The following SLC8A3 variants were observed in gnomAD, a reference collection of about 807,000 sequenced individuals.
SLC8A3 encodes the protein solute carrier family 8 member A3.
Under a neutral mutation model 65.4 loss-of-function variants are expected in SLC8A3, and 37 were observed. The ratio of observed to expected loss-of-function variants is 0.57; its 90% CI spans 0.44 to 0.74. The LOEUF is 0.74. Among genes scored for constraint, SLC8A3 ranks in the 30% least tolerant of loss-of-function variants. The probability of loss-of-function intolerance (pLI) is 0.00; values close to 1 mark genes in which losing one functional copy is unlikely to be tolerated. For missense variants in SLC8A3, 1,112 were observed against 1,172.1 expected, an observed-to-expected ratio of 0.95 and a Z score of 0.75; for synonymous variants, 461 against 444.5, an observed-to-expected ratio of 1.04 and a Z score of -0.47.
chr14:70,118,260 C>G (rs2140171660), intron 2 of SLC8A3, among the ~76,000 whole-genome samples: 1 of 152,312 alleles, frequency 6.6e-6, no homozygotes, highest in East Asian at 1.9e-4. Context: ...AACAAGCTGC[C>G]TGACGCTCTC....
intron 2 of SLC8A3, among the ~76,000 whole-genome samples, chr14:70,116,010 C>G (rs1004449268): frequency 6.6e-6 from 1 of 152,142 alleles, no homozygotes; most frequent in Non-Finnish European, 1.5e-5. Context: ...CTTCCAATGC[C>G]AGGCCCAAGT....
chr14:70,132,753 G>A (rs1894927687), intron 2 of SLC8A3, among the ~76,000 whole-genome samples: 1 of 152,192 alleles, frequency 6.6e-6, no homozygotes, highest in South Asian at 2.1e-4. Flanking sequence ...GATGCTATGA[G>A]CAAATGTGTG....
intron 2 of SLC8A3, among the ~76,000 whole-genome samples, chr14:70,122,899 C>T (rs1894175144): frequency 6.6e-6 from 1 of 151,488 alleles, no homozygotes; most frequent in Non-Finnish European, 1.5e-5. Flanking sequence ...TAATGAAACC[C>T]TGTCTCTACT....
intron 2 of SLC8A3, among the ~76,000 whole-genome samples, chr14:70,069,666 C>T (rs1206878870): frequency 6.6e-6 from 1 of 152,164 alleles, no homozygotes; most frequent in South Asian, 2.1e-4. Context: ...GAACCCCCCA[C>T]CGCCACCTGT....
Position 70,170,379 on chromosome 14 carries a change from A to G in SLC8A3, c.-62-1895T>C, listed in dbSNP as rs551707019. Among the ~76,000 whole-genome samples, 5 of 152,288 alleles carry G rather than the reference A, an allele frequency of 3.3e-5. No individual in the cohort carries two copies. The East Asian group carries it at 9.7e-4, about 29-fold the overall frequency. On this transcript the variant is annotated intron_variant, in intron 1 of 6. Coordinates refer to ENST00000356921, the MANE Select transcript of SLC8A3 (RefSeq NM_182932.3). ...ATTATTCTCATTCATCTTTGAAATG[A>G]GGGTTTCTTCTTTGCACTCCCCACT...
At position 70,051,072 on chromosome 14, in the gene SLC8A3, C is replaced by T. The variant is rs962258258; in HGVS notation, c.2049G>A (p.Leu683=). The T allele has an allele frequency of 1.2e-6, 2 of 1,613,634 alleles. No individual in the cohort carries two copies. The highest frequency in any genetic ancestry group is 2.7e-5 in the African/African-American group (2 of 74,910). ...AGGAATGGGTCCCCACAACCAAGGC[C>T]AGGTTTGTCTTCTTGATCAGTTTGT... The part of the protein sequence containing the change: ...TVDKLIKKTN[L]ALVVGTHSWR... Residue 683 remains leucine, a synonymous_variant, in exon 5 of 7, where the codon CTG becomes CTA. Coordinates refer to ENST00000356921, the MANE Select transcript of SLC8A3 (RefSeq NM_182932.3).
intron 2 of SLC8A3, among the ~76,000 whole-genome samples, chr14:70,074,416 C>T (rs915431858): frequency 2.6e-5 from 4 of 152,206 alleles, no homozygotes; most frequent in African/African-American, 7.2e-5. Flanking sequence ...TGTCCCAGCT[C>T]GGCTGCAGGA....
At chr14:70,152,351 CA>C (rs1447862775) in intron 2 of SLC8A3, among the ~76,000 whole-genome samples, 3 of 152,124 alleles carry the variant, frequency 2.0e-5, no homozygotes, top group Non-Finnish European at 4.4e-5. Context: ...AAATCTTAAC[CA>C]GAGAAATTGG....
intron 2 of SLC8A3, among the ~76,000 whole-genome samples, chr14:70,097,286 T>TAAA (rs5809459): frequency 6.7e-4 from 98 of 145,812 alleles, no homozygotes; most frequent in Admixed American, 1.3e-3. Flanking sequence ...CATTTTCCTT[T>TAAA]AAAAAAAAAA....
chr14:70,107,828 T>A lies in SLC8A3; in HGVS notation c.1785-46889A>T, dbSNP rs1892980228. Among the ~76,000 whole-genome samples, 2 of 152,108 alleles carry A rather than the reference T, an allele frequency of 1.3e-5. 1 individual carries two copies. The highest frequency in any genetic ancestry group is 4.8e-5 in the African/African-American group (2 of 41,370). On this transcript the variant is annotated intron_variant, in intron 2 of 6. Transcript: ENST00000356921. Reference sequence around the variant, plus strand: ...AGAGAGAGTGAAGCACCACAGCAGATAAATATTGCTGCCCAGATAATTTCC... The same window carrying A: ...AGAGAGAGTGAAGCACCACAGCAGAAAAATATTGCTGCCCAGATAATTTCC...
At chr14:70,064,359 A>T (rs892818127) in intron 2 of SLC8A3, among the ~76,000 whole-genome samples, 9 of 152,240 alleles carry the variant, frequency 5.9e-5, no homozygotes, top group Non-Finnish European at 1.2e-4. Flanking sequence ...CTTCCTTATC[A>T]GTCTTGCTTT....
chr14:70,150,326 A>G (rs1566813289), intron 2 of SLC8A3, among the ~76,000 whole-genome samples: 1 of 152,230 alleles, frequency 6.6e-6, no homozygotes. Context: ...CAGGTCACCA[A>G]CAAGTAGCTG....
chr14:70,111,782 A>C (rs1247805623), intron 2 of SLC8A3, among the ~76,000 whole-genome samples: 1 of 152,250 alleles, frequency 6.6e-6, no homozygotes, highest in Non-Finnish European at 1.5e-5. Flanking sequence ...ATTCAAACAT[A>C]TGATAAGGTG....
At chr14:70,175,436 T>C (rs1467131995) in intron 1 of SLC8A3, among the ~76,000 whole-genome samples, 3 of 152,196 alleles carry the variant, frequency 2.0e-5, no homozygotes, top group Non-Finnish European at 4.4e-5. Context: ...TGCTAAAGTC[T>C]GCTTTTAAGC....
At chr14:70,106,323 C>T (rs1246407598) in intron 2 of SLC8A3, among the ~76,000 whole-genome samples, 1 of 152,130 alleles carries the variant, frequency 6.6e-6, no homozygotes, top group South Asian at 2.1e-4. Flanking sequence ...AATATTCTCA[C>T]ATACTTTTTT....
intron 1 of SLC8A3, among the ~76,000 whole-genome samples, chr14:70,169,675 T>A (rs1178440769): frequency 2.6e-4 from 25 of 94,746 alleles, no homozygotes; most frequent in African/African-American, 3.7e-4. Context: ...ATGGAATAGC[T>A]AAAAAAAAAA....
intron 2 of SLC8A3, among the ~76,000 whole-genome samples, chr14:70,109,173 C>T (rs1004590319): frequency 6.2e-5 from 9 of 145,910 alleles, no homozygotes; most frequent in African/African-American, 2.0e-4. Context: ...TCACTTAGCA[C>T]AGTTACTGGC....
At chr14:70,111,769 G>A (rs1203847573) in intron 2 of SLC8A3, among the ~76,000 whole-genome samples, 1 of 152,182 alleles carries the variant, frequency 6.6e-6, no homozygotes, top group East Asian at 1.9e-4. Context: ...AAATGGAAAC[G>A]CTATTCAAAC....
In SLC8A3 at chr14:70,167,490, C is replaced by A; in HGVS notation, c.933G>T (p.Glu311Asp). 1 of 1,614,064 alleles carries A rather than the reference C, an allele frequency of 6.2e-7. No homozygotes were observed. The highest frequency in any genetic ancestry group is 8.5e-7 in the Non-Finnish European group (1 of 1,180,006). Residue 311 changes from glutamate (E) to aspartate (D), a missense_variant, in exon 2 of 7, where the codon GAG becomes GAT. By Grantham distance (45) the Glu-to-Asp change is conservative. Transcript: ENST00000356921. ...LVPLEGKEVD[E>D]SRREMIRILK... ...GAATCCGGATCATCTCTCTGCGGGA[C>A]TCATCCACTTCCTTCCCTTCCAGGG... is the stretch of plus-strand genomic sequence containing the variant.
Sources: gnomAD v4.1 joint callset for allele counts (sites outside exome capture counted in the v4.1 genomes callset) on GRCh38, gnomAD v4.1.1 for gene constraint, MANE v1.5 for transcripts, NCBI Gene and HGNC (gene_info 2026-07-23, HGNC 2026-07-21) for gene names.